DPP6: variants seen among roughly 807,000 people sequenced by gnomAD.
DPP6 encodes the protein dipeptidyl peptidase like 6, also known as A-type potassium channel modulatory protein DPP6.
In DPP6, 69 loss-of-function variants were observed where a neutral mutation model predicts 122.6. That is an observed-to-expected ratio of 0.56 (90% CI 0.46 to 0.69). The LOEUF (loss-of-function observed/expected upper bound fraction) is 0.69. Ranked by LOEUF, DPP6 falls within the 30% of genes least tolerant of loss-of-function variation. The pLI is 0.00. For missense variants in DPP6, 928 were observed against 1,116.9 expected (o/e 0.83, Z 2.41); for synonymous variants, 418 against 433.1 (o/e 0.97, Z 0.43).
intron 1 of DPP6, among the ~76,000 whole-genome samples, chr7:154,182,672 C>T (rs1380578878): frequency 1.3e-5 from 2 of 151,968 alleles, no homozygotes; most frequent in South Asian, 2.1e-4. Context: ...AAGTATCCTC[C>T]GTCTTCATGA....
rs1206487128 is a variant in DPP6, at chr7:153,953,531, G to GGA, written c.51+65797_51+65798insGA. The stretch of plus-strand genomic sequence containing the variant: ...TCATGCCCAGGACGTAGGGGATAAA[G>GGA]AGGGACCAGACCTGCCTCATCTGTG... On this transcript the variant is annotated intron_variant, in intron 1 of 25. Coordinates refer to the DPP6 transcript ENST00000404039. Among the ~76,000 whole-genome samples the GGA allele has an allele frequency of 2.6e-5, 4 of 152,186 alleles. No homozygotes were observed. In the East Asian group the frequency reaches 5.8e-4, roughly 22 times the overall value.
At chr7:154,660,390 T>C (rs1458402459) in intron 6 of DPP6, among the ~76,000 whole-genome samples, 1 of 150,332 alleles carries the variant, frequency 6.7e-6, no homozygotes, top group Non-Finnish European at 1.5e-5. Context: ...TGAATCACCA[T>C]GGCGTATTGG....
chr7:153,810,824 C>T, the DPP6 span, among the ~76,000 whole-genome samples: 1 of 151,908 alleles, frequency 6.6e-6, no homozygotes, highest in Non-Finnish European at 1.5e-5. Flanking sequence ...AGAGTTTAAA[C>T]ATTAATTTAG....
chr7:154,609,806 G>T (rs771521838), intron 5 of DPP6, among the ~76,000 whole-genome samples: 61 of 151,632 alleles, frequency 4.0e-4, no homozygotes, highest in African/African-American at 2.4e-5. Context: ...TCTGTGGTTC[G>T]TTTGATAGAA....
chr7:154,818,503 A>T (rs1456209575), intron 16 of DPP6, among the ~76,000 whole-genome samples: 2 of 152,244 alleles, frequency 1.3e-5, no homozygotes, highest in Non-Finnish European at 2.9e-5. Flanking sequence ...GTAAATGAGT[A>T]GTCCCAGAGC....
intron 1 of DPP6, among the ~76,000 whole-genome samples, chr7:153,989,493 A>G (rs186150166): frequency 2.8e-3 from 418 of 151,398 alleles, no homozygotes; most frequent in Non-Finnish European, 4.0e-3. Context: ...GGAGCAGGGC[A>G]CCAGGGCACC....
At chr7:154,613,619 C>CAAAAAAAAAAAAAAAAAAAAAAAA (rs749561005) in intron 5 of DPP6, among the ~76,000 whole-genome samples, 1 of 51,848 alleles carries the variant, frequency 1.9e-5, no homozygotes, top group African/African-American at 9.1e-5. Flanking sequence ...GACTCTGTCT[C>CAAAAAAAAAAAAAAAAAAAAAAAA]AAAAAAAAAA....
At chr7:153,760,050 T>A in the DPP6 span, among the ~76,000 whole-genome samples, 2 of 152,080 alleles carry the variant, frequency 1.3e-5, no homozygotes, top group African/African-American at 2.4e-5. Context: ...GCATGTATAT[T>A]AGGCTGCTTG....
the DPP6 span, among the ~76,000 whole-genome samples, chr7:153,861,263 GTC>G: frequency 6.6e-6 from 1 of 152,122 alleles, no homozygotes; most frequent in Non-Finnish European, 1.5e-5. Context: ...TGAAAATAGA[GTC>G]TGCTGTTAAA....
At chr7:154,060,342 C>A (rs1301009130) in intron 1 of DPP6, among the ~76,000 whole-genome samples, 1 of 134,006 alleles carries the variant, frequency 7.5e-6, no homozygotes, top group African/African-American at 2.7e-5. Context: ...GGGAGGCACC[C>A]CCCGCGAGGC....
intron 1 of DPP6, among the ~76,000 whole-genome samples, chr7:154,082,633 C>T (rs1157783903): frequency 6.6e-6 from 1 of 151,852 alleles, no homozygotes; most frequent in Non-Finnish European, 1.5e-5. Flanking sequence ...CTTAGGTAAC[C>T]ACCGCCTGTG....
chr7:154,885,779 G>T (rs775024516), intron 22 of DPP6, 35 bp downstream of exon 22: 1 of 1,553,894 alleles, frequency 6.4e-7, no homozygotes. Flanking sequence ...GACGGGCTCT[G>T]CTCCCGCCCC....
chr7:153,923,677 C>T (rs1456295631), intron 1 of DPP6, among the ~76,000 whole-genome samples: 5 of 141,588 alleles, frequency 3.5e-5, no homozygotes, highest in African/African-American at 1.1e-4. Context: ...AGAAGAATGG[C>T]GTGAACCCAG....
intron 1 of DPP6, among the ~76,000 whole-genome samples, chr7:154,066,058 T>C (rs1363053982): frequency 1.4e-5 from 2 of 141,736 alleles, no homozygotes; most frequent in Admixed American, 7.3e-5. Context: ...TTTTTTTTTT[T>C]ACTTTTTTTT....
chr7:154,235,471 G>C (rs76095055), intron 1 of DPP6, among the ~76,000 whole-genome samples: 8,049 of 142,920 alleles, frequency 0.056, 422 homozygotes, highest in Middle Eastern at 0.13. Context: ...CCAAAAGCTA[G>C]AGAATTCCTT....
chr7:154,554,934 G>A (rs1412338641), intron 4 of DPP6, among the ~76,000 whole-genome samples: 1 of 151,968 alleles, frequency 6.6e-6, no homozygotes, highest in Non-Finnish European at 1.5e-5. Context: ...GCTGAAAAAG[G>A]GATCTGATAA....
Position 154,276,435 on chromosome 7 carries a change from T to C in DPP6, c.244-169779T>C, listed in dbSNP as rs1000059561. ...TTTTGACAGCCAGAATAGAATCGTT[T>C]AGCAAATGGCATTGATAAGGTCAAT... On this transcript the variant is annotated intron_variant, in intron 1 of 25. Transcript: ENST00000377770. Among the ~76,000 whole-genome samples, 7 of 152,350 alleles carry C rather than the reference T, an allele frequency of 4.6e-5. 1 individual carries two copies. In the South Asian group the frequency reaches 1.0e-3, roughly 23 times the overall value.
chr7:154,098,957 C>T lies in DPP6; in HGVS notation c.243+45894C>T, dbSNP rs185990152. Among the ~76,000 whole-genome samples the T allele has an allele frequency of 4.8e-4, 73 of 152,342 alleles. 1 individual carries two copies. Among genetic ancestry groups the T allele is most frequent in the Non-Finnish European group, 6.8e-4 (46 of 68,032 alleles). Reference sequence around the variant, plus strand: ...AGTAAATCATGCCAATCTGCTCATACAGGCAGAAACTAAAGAGCCTTTAAA... The same window carrying T: ...AGTAAATCATGCCAATCTGCTCATATAGGCAGAAACTAAAGAGCCTTTAAA... On this transcript the variant is annotated intron_variant, in intron 1 of 25. Transcript: ENST00000377770.
intron 1 of DPP6, among the ~76,000 whole-genome samples, chr7:153,934,789 A>G (rs1288916448): frequency 1.3e-5 from 2 of 152,100 alleles, no homozygotes; most frequent in Non-Finnish European, 2.9e-5. Context: ...CACTGCCCAG[A>G]TGCTTTGCTG....
Sources: gnomAD v4.1 joint callset for allele counts (sites outside exome capture counted in the v4.1 genomes callset) on GRCh38, gnomAD v4.1.1 for gene constraint, MANE v1.5 for transcripts, NCBI Gene and HGNC (gene_info 2026-07-23, HGNC 2026-07-21) for gene names.